SMG6: variants seen among roughly 807,000 people sequenced by gnomAD.
SMG6 encodes the protein SMG6 nonsense mediated mRNA decay factor.
In SMG6, 66 loss-of-function variants were observed where a neutral mutation model predicts 142.2. The ratio of observed to expected loss-of-function variants is 0.46; its 90% CI spans 0.38 to 0.57. SMG6 has a LOEUF of 0.57. Among genes scored for constraint, SMG6 ranks in the 20% least tolerant of loss-of-function variants. The pLI is 0.00. For missense variants in SMG6, 1,793 were observed against 1,832.0 expected, an observed-to-expected ratio of 0.98 and a Z score of 0.39; for synonymous variants, 779 against 702.4, an observed-to-expected ratio of 1.11 and a Z score of -1.72.
At chr17:2,211,492 G>A (rs1287849451) in intron 10 of SMG6, among the ~76,000 whole-genome samples, 9 of 151,930 alleles carry the variant, frequency 5.9e-5, no homozygotes, top group Admixed American at 1.3e-4. Flanking sequence ...GTGAAACCCC[G>A]TCTCTACTAA....
intron 13 of SMG6, among the ~76,000 whole-genome samples, chr17:2,160,915 A>G (rs1247240231): frequency 2.0e-5 from 3 of 152,054 alleles, no homozygotes; most frequent in Admixed American, 6.5e-5. Flanking sequence ...ATTAGTAAAG[A>G]AAACTAAAAA....
chr17:2,202,797 G>A (rs1426788060), intron 10 of SMG6, among the ~76,000 whole-genome samples: 1 of 152,182 alleles, frequency 6.6e-6, no homozygotes, highest in Non-Finnish European at 1.5e-5. Context: ...CTCAGAGACG[G>A]TAAGTAAACT....
chr17:2,170,219 C>G (rs1239175945), intron 13 of SMG6, among the ~76,000 whole-genome samples: 1 of 152,272 alleles, frequency 6.6e-6, no homozygotes, highest in South Asian at 2.1e-4. Flanking sequence ...GCCACTGCCC[C>G]CTAGGTAGCC....
chr17:2,195,444 C>A (rs2072294801), intron 10 of SMG6, among the ~76,000 whole-genome samples: 1 of 152,148 alleles, frequency 6.6e-6, no homozygotes, highest in Admixed American at 6.5e-5. Flanking sequence ...ACAAGCAATA[C>A]CTTGTCCTGG....
intron 8 of SMG6, among the ~76,000 whole-genome samples, chr17:2,253,433 C>A: frequency 6.6e-6 from 1 of 152,120 alleles, no homozygotes; most frequent in African/African-American, 2.4e-5. Context: ...CTATCCAGAT[C>A]GTTACAGAAA....
At chr17:2,102,795 A>G (rs963983360) in intron 13 of SMG6, among the ~76,000 whole-genome samples, 1 of 151,718 alleles carries the variant, frequency 6.6e-6, no homozygotes, top group African/African-American at 2.4e-5. Context: ...TTTGACCATC[A>G]TCTCCCCATT....
intron 12 of SMG6, among the ~76,000 whole-genome samples, chr17:2,177,899 G>C (rs977283146): frequency 2.0e-5 from 3 of 152,180 alleles, no homozygotes; most frequent in Non-Finnish European, 4.4e-5. Flanking sequence ...CTTTTCAAAC[G>C]GTTTCCCTGT....
chr17:2,236,715 A>T (rs1027460510), intron 9 of SMG6, 78 bp from the exon 10 acceptor site: 140 of 667,514 alleles, frequency 2.1e-4, no homozygotes, highest in African/African-American at 8.5e-4. Context: ...ACACACACAC[A>T]CACACACACA....
At chr17:2,166,633 G>GT (rs1263685764) in intron 13 of SMG6, among the ~76,000 whole-genome samples, 1 of 152,062 alleles carries the variant, frequency 6.6e-6, no homozygotes, top group African/African-American at 2.4e-5. Context: ...TAATTTTTAT[G>GT]TTTTTTGTAG....
intron 12 of SMG6, 147 bp downstream of exon 12, chr17:2,186,516 G>C: frequency 1.2e-6 from 1 of 803,400 alleles, no homozygotes; most frequent in Non-Finnish European, 2.0e-6. Context: ...GGATAGGGAA[G>C]GTATTCAAAA....
chr17:2,211,391 G>A (rs960199518), intron 10 of SMG6, among the ~76,000 whole-genome samples: 10 of 152,140 alleles, frequency 6.6e-5, no homozygotes, highest in East Asian at 1.9e-4. Context: ...TGGGCCAGGC[G>A]CGGTGGCTCA....
At chr17:2,184,794 G>A (rs1484571368) in intron 12 of SMG6, among the ~76,000 whole-genome samples, 2 of 148,946 alleles carry the variant, frequency 1.3e-5, no homozygotes, top group Admixed American at 6.7e-5. Context: ...GTAAAACCCC[G>A]TCTCTATTAA....
intron 13 of SMG6, among the ~76,000 whole-genome samples, chr17:2,159,889 G>A (rs1302843536): frequency 1.3e-5 from 2 of 152,156 alleles, no homozygotes; most frequent in Admixed American, 6.5e-5. Flanking sequence ...ACGTTATGCT[G>A]AGTGACAAAA....
At chr17:2,163,540 C>T (rs2071244007) in intron 13 of SMG6, among the ~76,000 whole-genome samples, 1 of 152,144 alleles carries the variant, frequency 6.6e-6, no homozygotes. Flanking sequence ...TGTACAATGG[C>T]TTCATATCCA....
At chr17:2,209,648 G>C (rs1235156335) in intron 10 of SMG6, among the ~76,000 whole-genome samples, 1 of 152,106 alleles carries the variant, frequency 6.6e-6, no homozygotes, top group Non-Finnish European at 1.5e-5. Flanking sequence ...ACAGGCATGA[G>C]CCACTGCACC....
At chr17:2,117,982 T>C (rs1363487764) in intron 13 of SMG6, among the ~76,000 whole-genome samples, 2 of 152,172 alleles carry the variant, frequency 1.3e-5, no homozygotes, top group Non-Finnish European at 2.9e-5. Context: ...CTGGCTCATG[T>C]CTGTAATTCC....
intron 13 of SMG6, chr17:2,088,275 A>G: frequency 1.0e-6 from 1 of 985,394 alleles, no homozygotes; most frequent in Non-Finnish European, 1.2e-6. Context: ...GAAAAGCCAC[A>G]TGTGTGGATG....
chr17:2,121,583 C>CTGTGTG (rs1173330822), intron 13 of SMG6, among the ~76,000 whole-genome samples: 26 of 118,294 alleles, frequency 2.2e-4, no homozygotes, highest in South Asian at 1.2e-3. Context: ...ATGTACATGT[C>CTGTGTG]TGTCTGTGTG....
chr17:2,188,624 T>C (rs2072066308), intron 10 of SMG6, 109 bp from the exon 11 acceptor site: 1 of 915,346 alleles, frequency 1.1e-6, no homozygotes, highest in Non-Finnish European at 1.7e-6. Context: ...CTAGTGATAT[T>C]CCCTCTCTCA....
Sources: allele counts gnomAD v4.1 joint callset (sites outside exome capture counted in the v4.1 genomes callset), GRCh38; gene constraint gnomAD v4.1.1; transcripts MANE v1.5; gene names NCBI Gene and HGNC (gene_info 2026-07-23, HGNC 2026-07-21).